Variants in GOLGA8M observed in about 807,000 individuals in gnomAD.
The protein encoded by GOLGA8M is golgin A8 family member M, also known as golgin subfamily A member 8M.
GOLGA8M carries 34 observed loss-of-function variants against 87.7 expected under a neutral mutation model. The observed-to-expected ratio is 0.39, with a 90% confidence interval of 0.29 to 0.52. GOLGA8M has a LOEUF of 0.52. Among genes scored for constraint, GOLGA8M ranks in the 20% least tolerant of loss-of-function variants. The pLI, the probability that GOLGA8M is intolerant of heterozygous loss-of-function variation, is 0.80. For synonymous variants in GOLGA8M, 138 were observed against 250.2 expected (o/e 0.55, Z 4.23); for missense variants, 396 against 682.2 (o/e 0.58, Z 4.67).
rs2079764907 is a variant in GOLGA8M, at chr15:28,700,681, T to C, written c.*1273A>G. ...ACTAAGTATCTCACATATATTAGTT[T>C]ATAATAATGTTTCTATTATTTTTTA... is the stretch of plus-strand genomic sequence containing the variant. On this transcript the variant is annotated 3_prime_UTR_variant, in exon 19 of 19. Transcript: ENST00000563027. Among the ~76,000 whole-genome samples the C allele has an allele frequency of 6.6e-6, 1 of 151,456 alleles. No individual in the cohort carries two copies. Among genetic ancestry groups the C allele is most frequent in the Non-Finnish European group, 1.5e-5 (1 of 67,900 alleles).
At chr15:28,713,323 C>T (rs1344953293), upstream of GOLGA8M, among the ~76,000 whole-genome samples, 1 of 150,894 alleles carries the variant, frequency 6.6e-6, no homozygotes, top group Non-Finnish European at 1.5e-5. Flanking sequence ...GGCTACAGAG[C>T]AAGACTCCAT....
At chr15:28,702,171 C>T in intron 18 of GOLGA8M, 42 bp from the exon 19 acceptor site, 1 of 1,584,734 alleles carries the variant, frequency 6.3e-7, no homozygotes, top group East Asian at 2.2e-5. Flanking sequence ...CAGTGGGAGC[C>T]CCCTCTTCCT....
Position 28,701,895 on chromosome 15 carries a change from C to T in GOLGA8M, c.*59G>A, listed in dbSNP as rs529531135. 8.7e-4 allele frequency: 1,248 copies of T among 1,436,770 alleles called. 10 individuals are homozygous for T. In the African/African-American group the frequency reaches 0.016, roughly 19 times the overall value. 89.0% of individuals were successfully genotyped at this position (1,436,770 alleles called of 1,614,324 possible). On this transcript the variant is annotated 3_prime_UTR_variant, in exon 19 of 19. Coordinates refer to ENST00000563027, the MANE Select transcript of GOLGA8M (RefSeq NM_001282468.3). ...TAAATGAATTGTGTAGGAGATTAAC[C>T]CCATAACTTGGTTTCTTATTTAAAA...
intron 15 of GOLGA8M, chr15:28,703,060 C>T: frequency 1.1e-6 from 1 of 873,130 alleles, no homozygotes; most frequent in Non-Finnish European, 1.3e-6. Flanking sequence ...TTGAGAAATG[C>T]CACCTGAGGG....
chr15:28,702,513 C>T lies in GOLGA8M; in HGVS notation c.1519G>A (p.Ala507Thr), dbSNP rs1427497328. 1 of 1,595,124 alleles carries T rather than the reference C, an allele frequency of 6.3e-7. No individual in the cohort carries two copies. Among genetic ancestry groups the T allele is most frequent in the African/African-American group, 1.4e-5 (1 of 72,178 alleles). ...GCCTGATGGTGTCCTCCTCCCAGTGCCGCATCTTTGGCACGGCCCCCTGGT... is the reference window on the plus strand; with the variant it reads ...GCCTGATGGTGTCCTCCTCCCAGTGTCGCATCTTTGGCACGGCCCCCTGGT... The part of the protein sequence containing the change: ...SEPGGRAKDA[A>T]LGGGHHQAGA... Residue 507 changes from alanine to threonine, a missense_variant, in exon 17 of 19, where the codon GCA (alanine) becomes ACA (threonine). By Grantham distance (58) the Ala-to-Thr change is moderately conservative (BLOSUM62 0). This residue lies in a region of GOLGA8M where 173 missense variants were observed against 150.2 expected (regional missense o/e 1.15). Transcript: ENST00000563027.
intron 13 of GOLGA8M, 131 bp downstream of exon 13, chr15:28,705,028 G>A (rs1425081902): frequency 1.4e-5 from 21 of 1,453,294 alleles, no homozygotes; most frequent in Non-Finnish European, 1.9e-5. Flanking sequence ...AAACAGGACT[G>A]CCCTGGGGGG....
At position 28,702,737 on chromosome 15, in the gene GOLGA8M, A is replaced by G. The variant is rs1232028459; in HGVS notation, c.1377T>C (p.Phe459=). The change falls in exon 16 of 19, where the codon TTT becomes TTC. Residue 459 remains phenylalanine (F), a synonymous_variant. Transcript: ENST00000563027. ...DPESREAMSS[F]MDHLEEKADL... The stretch of plus-strand genomic sequence containing the variant: ...CTGCCTTCTCCTCCAGGTGGTCCAT[A>G]AAGCTGCTCTGGAGCCAAAATATTG... 3.1e-6 allele frequency: 5 copies of G among 1,600,546 alleles called. No homozygotes were observed. The highest frequency in any genetic ancestry group is 1.7e-5 in the Admixed American group (1 of 59,774).
Position 28,707,071 on chromosome 15 carries a change from A to C in GOLGA8M, c.592-372T>G, listed in dbSNP as rs1465060891. Among the ~76,000 whole-genome samples the C allele has an allele frequency of 3.0e-5, 4 of 135,526 alleles. 2 individuals are homozygous for C. The Admixed American group carries it at 3.2e-4, about 11-fold the overall frequency. 88.9% of individuals were successfully genotyped at this position (135,526 alleles called of 152,430 possible). On this transcript the variant is annotated intron_variant, in intron 8 of 18. Coordinates refer to ENST00000563027, the MANE Select transcript of GOLGA8M (RefSeq NM_001282468.3). Reference sequence around the variant, plus strand: ...ATTCCCTCTATTGTGGAGATAAAAAACATGGAGTATTTGAGGTTAAGTGCT... The same window carrying C: ...ATTCCCTCTATTGTGGAGATAAAAACCATGGAGTATTTGAGGTTAAGTGCT...
chr15:28,710,032 A>T (rs1445929089), intron 2 of GOLGA8M, among the ~76,000 whole-genome samples: 1 of 143,900 alleles, frequency 6.9e-6, no homozygotes, highest in South Asian at 2.2e-4. Flanking sequence ...CTTGCCCTAA[A>T]TCATATCCCT....
At chr15:28,708,750 T>C (rs571341942) in intron 4 of GOLGA8M, among the ~76,000 whole-genome samples, 8 of 152,188 alleles carry the variant, frequency 5.3e-5, no homozygotes, top group Admixed American at 3.3e-4. Context: ...TTACTGAGCA[T>C]GTATGGACCA....
chr15:28,713,263 C>T (rs1339871701), upstream of GOLGA8M, among the ~76,000 whole-genome samples: 6 of 151,156 alleles, frequency 4.0e-5, no homozygotes, highest in Admixed American at 2.7e-4. Context: ...CATGAACCCC[C>T]GAGGTGGAGC....
rs1366194995 is a variant in GOLGA8M at position 28,702,133 on chromosome 15, T to C, written c.1724-4A>G. 7 of 1,579,808 alleles carry C rather than the reference T, an allele frequency of 4.4e-6. No homozygotes were observed. The African/African-American group carries it at 7.0e-5, about 16-fold the overall frequency. ...GTGAGGCTCACCTCACAAAGATCTT[T>C]GGAGAGAGGGAGGCAGGGATCTGAG... On this transcript the variant is annotated splice_polypyrimidine_tract_variant and splice_region_variant and intron_variant, in intron 18 of 18. Coordinates refer to ENST00000563027, the MANE Select transcript of GOLGA8M (RefSeq NM_001282468.3).
upstream of GOLGA8M, among the ~76,000 whole-genome samples, chr15:28,713,063 G>T (rs551931157): frequency 4.7e-3 from 711 of 151,670 alleles, 5 homozygotes; most frequent in Admixed American, 7.3e-3. Flanking sequence ...TTTTGGGCCG[G>T]GTGCAGTGGC....
chr15:28,702,659 T>C lies in GOLGA8M; in HGVS notation c.1455A>G (p.Gln485=). The change falls in exon 16 of 19, where the codon CAA becomes CAG. Residue 485 remains glutamine (Q), a synonymous_variant. Transcript: ENST00000563027. ...CTCCCACTCACTGATGGCATCTCTC[T>C]TGCCAGTATTGAATGAAGCGAAGTT... is the stretch of plus-strand genomic sequence containing the variant. ...KQELRFIQYW[Q]ERCHQKIHHL... 1 of 1,608,812 alleles carries C rather than the reference T, an allele frequency of 6.2e-7. No individual in the cohort carries two copies. Among genetic ancestry groups the C allele is most frequent in the Non-Finnish European group, 8.5e-7 (1 of 1,179,854 alleles).
intron 1 of GOLGA8M, chr15:28,711,922 A>C (rs1444524071): frequency 5.1e-6 from 5 of 984,950 alleles, no homozygotes; most frequent in South Asian, 4.7e-5. Flanking sequence ...ACCAGCCCAA[A>C]GTCACCCAGG....
chr15:28,704,379 G>A (rs1214000569), intron 13 of GOLGA8M, among the ~76,000 whole-genome samples: 3 of 147,038 alleles, frequency 2.0e-5, no homozygotes, highest in African/African-American at 7.4e-5. Flanking sequence ...AGGCCTAAGT[G>A]ACTGCCTCCC....
intron 1 of GOLGA8M, chr15:28,711,327 C>CACTG: frequency 6.4e-6 from 1 of 155,858 alleles, no homozygotes; most frequent in East Asian, 1.9e-4. Flanking sequence ...CTTCAGAGAC[C>CACTG]ACTGACTGAA....
In GOLGA8M at chr15:28,708,385, T is replaced by C. The variant is rs2080104234; in HGVS notation, c.338A>G (p.Gln113Arg). Residue 113 changes from glutamine to arginine, a missense_variant, in exon 5 of 19, where the codon CAG (glutamine) becomes CGG (arginine). By Grantham distance (43) the Gln-to-Arg change is conservative. Around this residue, in one of 12 missense-constraint regions of GOLGA8M, gnomAD observed 80 missense variants for 119.9 expected, o/e 0.67. Transcript: ENST00000563027. ...LKQQKKQVEH[Q>R]LEEEKKANNK... Reference sequence around the variant, plus strand: ...ACGAAATCACGTTACTTCTTCCAGCTGATGTTCCACTTGTTTCTTCTGTTG... The same window carrying C: ...ACGAAATCACGTTACTTCTTCCAGCCGATGTTCCACTTGTTTCTTCTGTTG... The C allele has an allele frequency of 6.3e-7, 1 of 1,595,268 alleles. No individual in the cohort carries two copies. Among genetic ancestry groups the C allele is most frequent in the Admixed American group, 1.7e-5 (1 of 59,794 alleles).
rs2079741399 is a variant in GOLGA8M, at chr15:28,698,895, T to C, written c.*3059A>G. ...CTGTTTATAATAATTCATAAACTGGTAAAATTCATTCTAAGAAAACTTGGC... is the reference window on the plus strand; with the variant it reads ...CTGTTTATAATAATTCATAAACTGGCAAAATTCATTCTAAGAAAACTTGGC... On this transcript the variant is annotated 3_prime_UTR_variant, in exon 19 of 19. Coordinates refer to ENST00000563027, the MANE Select transcript of GOLGA8M (RefSeq NM_001282468.3). Among the ~76,000 whole-genome samples the C allele has an allele frequency of 7.0e-6, 1 of 142,918 alleles. No individual in the cohort carries two copies. The highest frequency in any genetic ancestry group is 2.2e-4 in the South Asian group (1 of 4,574). The allele number at this position is 142,918 out of a possible 152,430, so 93.8% of individuals were successfully genotyped here.
Sources: allele counts gnomAD v4.1 joint callset (sites outside exome capture counted in the v4.1 genomes callset), GRCh38; gene constraint gnomAD v4.1.1; regional missense constraint gnomAD v4.1.1; transcripts MANE v1.5; gene names NCBI Gene and HGNC (gene_info 2026-07-23, HGNC 2026-07-21).